The following NTNG2 variants were observed in gnomAD, a reference collection of about 807,000 sequenced individuals.
NTNG2 encodes netrin G2.
Under a neutral mutation model 47.6 loss-of-function variants are expected in NTNG2, and 15 were observed. The observed-to-expected ratio is 0.32, with a 90% CI of 0.21 to 0.49. The LOEUF (loss-of-function observed/expected upper bound fraction) is 0.49, where lower values mean the gene tolerates loss of function less well. Ranked by LOEUF, NTNG2 falls within the 20% of genes least tolerant of loss-of-function variation. The probability of loss-of-function intolerance (pLI) is 0.99; values close to 1 mark genes in which losing one functional copy is unlikely to be tolerated. For synonymous variants in NTNG2, 307 were observed against 324.6 expected (o/e 0.95, Z 0.58); for missense variants, 578 against 764.6 (o/e 0.76, Z 2.88).
chr9:132,164,230 T>G (rs568007969), intron 1 of NTNG2, among the ~76,000 whole-genome samples: 4 of 152,238 alleles, frequency 2.6e-5, no homozygotes, highest in Non-Finnish European at 5.9e-5. Flanking sequence ...TTAAATTTAT[T>G]TATTTTCCAG....
At position 132,163,471 on chromosome 9, in the gene NTNG2, C is replaced by T. The variant is rs1835244959; in HGVS notation, c.-484+1232C>T. 6.6e-6 allele frequency among the ~76,000 whole-genome samples: 1 copy of T among 152,064 alleles called. No homozygotes were observed. The highest frequency in any genetic ancestry group is 1.5e-5 in the Non-Finnish European group (1 of 67,960). On this transcript the variant is annotated intron_variant, in intron 1 of 7. Transcript: ENST00000393229. This position sits in a 1 kb window ranked among gnomAD's most constrained non-coding sequence, Gnocchi z 7.2. ...CCGAGGCTACAGTGAGCGCGGGGCG[C>T]CCGCTGGACCCCGCCCGGGGCAGAG...
At chr9:132,232,647 A>T (rs1841323385) in intron 5 of NTNG2, 1 of 152,160 alleles carries the variant, frequency 6.6e-6, no homozygotes, top group East Asian at 1.9e-4. Context: ...ACCAAGGGGA[A>T]TTCTTCCTGG....
Position 132,163,951 on chromosome 9 carries a change from G to A in NTNG2, c.-484+1712G>A, listed in dbSNP as rs1316055921. Among the ~76,000 whole-genome samples the A allele has an allele frequency of 6.6e-6, 1 of 152,166 alleles. No individual in the cohort carries two copies. The highest frequency in any genetic ancestry group is 1.5e-5 in the Non-Finnish European group (1 of 68,022). ...CAGTTTCTTAATAATATCAGGTGAAGATAAATTTTCCACGGAGAAAACGAT... is the reference window on the plus strand; with the variant it reads ...CAGTTTCTTAATAATATCAGGTGAAAATAAATTTTCCACGGAGAAAACGAT... On this transcript the variant is annotated intron_variant, in intron 1 of 7. Coordinates refer to ENST00000393229, the MANE Select transcript of NTNG2 (RefSeq NM_032536.4). The surrounding 1 kb of genome is among the most constrained non-coding windows in gnomAD (Gnocchi z 7.2).
At chr9:132,238,997 C>G in intron 5 of NTNG2, 107 bp from the exon 6 acceptor site, 1 of 1,170,326 alleles carries the variant, frequency 8.5e-7, no homozygotes, top group Non-Finnish European at 1.3e-6. Flanking sequence ...TCCAAAGATG[C>G]CTTCCTCCGT....
At chr9:132,232,951 CT>C (rs1283309309) in intron 5 of NTNG2, 1 of 152,366 alleles carries the variant, frequency 6.6e-6, no homozygotes, top group Admixed American at 6.5e-5. Flanking sequence ...TCCAGAGCAG[CT>C]CCCCTGGGGG....
chr9:132,239,351 C>A (rs1368125826), intron 6 of NTNG2, 80 bp downstream of exon 6: 4 of 1,434,778 alleles, frequency 2.8e-6, no homozygotes, highest in East Asian at 2.3e-5. Context: ...GCCTCTGGGG[C>A]CCCCTGCATC....
intron 2 of NTNG2, among the ~76,000 whole-genome samples, chr9:132,179,266 C>T (rs1168713371): frequency 3.3e-5 from 5 of 152,184 alleles, no homozygotes; most frequent in Non-Finnish European, 7.4e-5. Flanking sequence ...CAGTGGGGGC[C>T]GGAGCTGCCT....
intron 3 of NTNG2, among the ~76,000 whole-genome samples, chr9:132,202,666 G>A (rs1838861855): frequency 6.6e-6 from 1 of 152,242 alleles, no homozygotes; most frequent in Non-Finnish European, 1.5e-5. Flanking sequence ...GGTGCTTGGA[G>A]CGGGAGGGGC....
chr9:132,165,125 G>A (rs1458381852), intron 1 of NTNG2, among the ~76,000 whole-genome samples: 1 of 152,148 alleles, frequency 6.6e-6, no homozygotes, highest in Non-Finnish European at 1.5e-5. Context: ...AATCATGCAG[G>A]CACTTTTTTA....
At position 132,169,604 on chromosome 9, in the gene NTNG2, C is replaced by CCCA. The variant is rs555493093; in HGVS notation, c.213+2563_213+2565dup. On this transcript the variant is annotated intron_variant, in intron 2 of 7. Coordinates refer to ENST00000393229, the MANE Select transcript of NTNG2 (RefSeq NM_032536.4). Reference sequence around the variant, plus strand: ...GAACTGCCTGTAGCCAAGGCCCATGCCCACCCACCAGGCGGCACAGCCTCC... The same window carrying CCCA: ...GAACTGCCTGTAGCCAAGGCCCATGCCCACCACCCACCAGGCGGCACAGCCTCC... Among the ~76,000 whole-genome samples the CCCA allele has an allele frequency of 1.1e-3, 173 of 152,298 alleles. 2 individuals are homozygous for CCCA. The highest frequency in any genetic ancestry group is 4.0e-3 in the African/African-American group (165 of 41,568).
rs902088197 is a variant in NTNG2, at chr9:132,236,672, C to T, written c.1055-2432C>T. Among the ~76,000 whole-genome samples, 3 of 152,252 alleles carry T rather than the reference C, an allele frequency of 2.0e-5. No individual in the cohort carries two copies. Among genetic ancestry groups the T allele is most frequent in the African/African-American group, 7.2e-5 (3 of 41,474 alleles). On this transcript the variant is annotated intron_variant, in intron 5 of 7. Transcript: ENST00000393229. The surrounding 1 kb of genome is among the most constrained non-coding windows in gnomAD (Gnocchi z 4.3). The stretch of plus-strand genomic sequence containing the variant: ...CTGGTGTCCTCTGTGGTGATGGAGA[C>T]AGAGCTGGCGGGAGCCATCGCTTCC...
intron 3 of NTNG2, among the ~76,000 whole-genome samples, chr9:132,200,523 T>C (rs1025712274): frequency 1.1e-4 from 16 of 152,078 alleles, no homozygotes; most frequent in African/African-American, 3.9e-4. Context: ...ACATCATGGG[T>C]TGGGGAGAAA....
In NTNG2 at chr9:132,188,382, G is replaced by A. The variant is rs1203887409; in HGVS notation, c.214-9584G>A. On this transcript the variant is annotated intron_variant, in intron 2 of 7. Transcript: ENST00000393229. Reference sequence around the variant, plus strand: ...TCTGCGGGAGCACAGTGCGGCCCAGGCAACAGCGTCCTTTCCCTTTTGGGT... The same window carrying A: ...TCTGCGGGAGCACAGTGCGGCCCAGACAACAGCGTCCTTTCCCTTTTGGGT... Among the ~76,000 whole-genome samples the A allele has an allele frequency of 2.6e-5, 4 of 152,356 alleles. No homozygotes were observed. In the East Asian group the frequency reaches 7.7e-4, roughly 29 times the overall value.
intron 2 of NTNG2, among the ~76,000 whole-genome samples, chr9:132,181,166 C>A (rs1166878470): frequency 1.3e-5 from 2 of 152,098 alleles, no homozygotes; most frequent in African/African-American, 4.8e-5. Flanking sequence ...TCACTGCAGC[C>A]TCGACCTCCT....
rs1008317132 is a variant in NTNG2, at chr9:132,240,897, C to T, written c.1223-13C>T. On this transcript the variant is annotated splice_polypyrimidine_tract_variant and intron_variant, in intron 6 of 7. Transcript: ENST00000393229. ...GTAGCCCTGACCGCGCGCCCGTGCC[C>T]GTGTCCGTCCAGAGTGTAACTGCAA... The T allele has an allele frequency of 1.9e-6, 3 of 1,612,610 alleles. No homozygotes were observed. The highest frequency in any genetic ancestry group is 2.7e-5 in the African/African-American group (2 of 74,934).
chr9:132,177,509 T>G (rs1836556479), intron 2 of NTNG2, among the ~76,000 whole-genome samples: 1 of 152,226 alleles, frequency 6.6e-6, no homozygotes, highest in South Asian at 2.1e-4. Context: ...CTTTATTCTT[T>G]TGCATGTGGA....
intron 3 of NTNG2, among the ~76,000 whole-genome samples, chr9:132,209,872 G>T (rs1401457002): frequency 7.0e-6 from 1 of 143,812 alleles, no homozygotes; most frequent in Non-Finnish European, 1.5e-5. Flanking sequence ...CAGCGTTGGC[G>T]TTGGGATGGG....
Position 132,242,485 on chromosome 9 carries a change from G to A in NTNG2, c.*374G>A, listed in dbSNP as rs1178485704. ...TGCCTCCCACCACACTTACACACAC[G>A]GGACTGTGGCCGACACCCCCTGGCC... On this transcript the variant is annotated 3_prime_UTR_variant, in exon 8 of 8. Coordinates refer to ENST00000393229, the MANE Select transcript of NTNG2 (RefSeq NM_032536.4). This position sits in a 1 kb window ranked among gnomAD's most constrained non-coding sequence, Gnocchi z 5.9. The A allele has an allele frequency of 6.6e-6, 1 of 151,442 alleles. No individual in the cohort carries two copies. Among genetic ancestry groups the A allele is most frequent in the African/African-American group, 2.4e-5 (1 of 41,084 alleles). The allele number at this position is 151,442 out of a possible 1,614,324, so 9.4% of individuals were successfully genotyped here.
rs139599290 is a variant in NTNG2 at position 132,217,804 on chromosome 9, C to T, written c.858-9045C>T. On this transcript the variant is annotated intron_variant, in intron 3 of 7. Coordinates refer to ENST00000393229, the MANE Select transcript of NTNG2 (RefSeq NM_032536.4). The stretch of plus-strand genomic sequence containing the variant: ...TGAAATTCAGCAACTTTCCTGAGGT[C>T]ACACAGTCGTTGGCAGAACATCCCA... Among the ~76,000 whole-genome samples the T allele has an allele frequency of 3.7e-3, 566 of 152,326 alleles. 6 individuals are homozygous for T. The highest frequency in any genetic ancestry group is 6.5e-3 in the Non-Finnish European group (445 of 68,028).
Sources: allele counts gnomAD v4.1 joint callset (sites outside exome capture counted in the v4.1 genomes callset), GRCh38; gene constraint gnomAD v4.1.1; non-coding constraint Gnocchi (gnomAD v3.1); transcripts MANE v1.5; gene names NCBI Gene and HGNC (gene_info 2026-07-23, HGNC 2026-07-21).